The following NRXN1 variants were observed in gnomAD, a reference collection of about 807,000 sequenced individuals.
NRXN1 encodes the protein neurexin-1.
In NRXN1, 39 loss-of-function variants were observed where a neutral mutation model predicts 150.9. The ratio of observed to expected loss-of-function variants is 0.26; its 90% CI spans 0.20 to 0.34. The LOEUF (loss-of-function observed/expected upper bound fraction) is 0.34, where lower values mean the gene tolerates loss of function less well. Among genes scored for constraint, NRXN1 ranks in the 10% least tolerant of loss-of-function variants. The pLI is 1.00. For missense variants in NRXN1, 1,815 were observed against 1,949.9 expected, an observed-to-expected ratio of 0.93 and a Z score of 1.30; for synonymous variants, 924 against 757.0, an observed-to-expected ratio of 1.22 and a Z score of -3.62.
At chr2:50,108,040 C>G (rs1199988396) in intron 18 of NRXN1, among the ~76,000 whole-genome samples, 2 of 151,936 alleles carry the variant, frequency 1.3e-5, no homozygotes, top group Admixed American at 1.3e-4. Flanking sequence ...CTGTCTATCT[C>G]CAAAGTAGGT....
rs2093106884 is a variant in NRXN1 at position 50,531,438 on chromosome 2, T to C, written c.2144-8A>G. ...AGCTCAAAACCGTTGCCTCTAGAGA[T>C]GGAAAATGAATATGATAAGTTCTTG... On this transcript the variant is annotated splice_region_variant and splice_polypyrimidine_tract_variant and intron_variant, in intron 10 of 22. Coordinates refer to ENST00000401669, the MANE Select transcript of NRXN1 (RefSeq NM_001330078.2). The C allele has an allele frequency of 2.5e-6, 4 of 1,604,088 alleles. No homozygotes were observed. Among genetic ancestry groups the C allele is most frequent in the African/African-American group, 1.3e-5 (1 of 74,888 alleles).
At chr2:50,739,193 T>A (rs1365219766) in intron 5 of NRXN1, 1 of 429,454 alleles carries the variant, frequency 2.3e-6, no homozygotes, top group African/African-American at 2.0e-5. Context: ...GATTATGGAT[T>A]TTCTGACAGT....
chr2:50,432,359 A>G (rs1030563217), intron 17 of NRXN1: 2 of 152,158 alleles, frequency 1.3e-5, no homozygotes, highest in Non-Finnish European at 2.9e-5. Flanking sequence ...AATCCCTCCA[A>G]AGAAATACTG....
intron 17 of NRXN1, among the ~76,000 whole-genome samples, chr2:50,376,085 T>C (rs1420223484): frequency 6.6e-6 from 1 of 151,316 alleles, no homozygotes; most frequent in African/African-American, 2.4e-5. Flanking sequence ...ACTATATTGC[T>C]GAAGGGGAGA....
chr2:50,380,908 G>A (rs2080910657), intron 17 of NRXN1, among the ~76,000 whole-genome samples: 1 of 151,856 alleles, frequency 6.6e-6, no homozygotes, highest in African/African-American at 2.4e-5. Context: ...ATTACATTAG[G>A]CCCTCTAAAG....
intron 18 of NRXN1, among the ~76,000 whole-genome samples, chr2:50,171,138 G>A (rs2060005149): frequency 6.6e-6 from 1 of 151,932 alleles, no homozygotes; most frequent in Admixed American, 6.6e-5. Context: ...AGAAGGAAGA[G>A]GAGGGGCTGA....
intron 2 of NRXN1, among the ~76,000 whole-genome samples, chr2:50,990,894 A>C (rs1412370963): frequency 6.6e-6 from 1 of 152,032 alleles, no homozygotes. Context: ...ATAAGTAACA[A>C]CAGACAGAGC....
intron 5 of NRXN1, among the ~76,000 whole-genome samples, chr2:50,639,961 A>G (rs1220479712): frequency 6.6e-6 from 1 of 152,200 alleles, no homozygotes; most frequent in African/African-American, 2.4e-5. Context: ...TAGACTCTAT[A>G]TCATTTTGTA....
intron 2 of NRXN1, among the ~76,000 whole-genome samples, chr2:50,931,361 T>A (rs1687721255): frequency 6.6e-6 from 1 of 152,116 alleles, no homozygotes; most frequent in South Asian, 2.1e-4. Flanking sequence ...GCAAAAATAC[T>A]TTGTGATGAA....
At chr2:50,823,327 TG>T (rs1377371766) in intron 5 of NRXN1, among the ~76,000 whole-genome samples, 1 of 152,186 alleles carries the variant, frequency 6.6e-6, no homozygotes. Context: ...AGTGCAGACC[TG>T]GGGTTGCTGA....
chr2:50,419,007 T>C (rs1459249624), intron 17 of NRXN1, among the ~76,000 whole-genome samples: 1 of 152,070 alleles, frequency 6.6e-6, no homozygotes, highest in Non-Finnish European at 1.5e-5. Context: ...CCTTTGAATA[T>C]TTTCAAATCA....
chr2:50,893,946 G>C (rs1681498044), intron 5 of NRXN1, among the ~76,000 whole-genome samples: 2 of 152,030 alleles, frequency 1.3e-5, no homozygotes, highest in Admixed American at 6.6e-5. Flanking sequence ...CATTTTTCAT[G>C]GCTGCATAGT....
At chr2:50,782,744 A>G (rs2105527634) in intron 5 of NRXN1, among the ~76,000 whole-genome samples, 1 of 152,292 alleles carries the variant, frequency 6.6e-6, no homozygotes, top group Admixed American at 6.6e-5. Flanking sequence ...GAATGTAATC[A>G]TTATTTCTGG....
At chr2:50,578,281 G>C (rs1671738228) in intron 8 of NRXN1, among the ~76,000 whole-genome samples, 1 of 152,030 alleles carries the variant, frequency 6.6e-6, no homozygotes, top group South Asian at 2.1e-4. Flanking sequence ...ATAGTGTCTT[G>C]GACTCCGGAA....
intron 12 of NRXN1, among the ~76,000 whole-genome samples, chr2:50,509,426 G>C (rs73930561): frequency 0.047 from 7,152 of 152,104 alleles, 319 homozygotes; most frequent in African/African-American, 0.11. Context: ...TGAAATGACT[G>C]TTCCTAAAGA....
intron 17 of NRXN1, among the ~76,000 whole-genome samples, chr2:50,386,077 G>T (rs2081307535): frequency 6.6e-6 from 1 of 151,752 alleles, no homozygotes; most frequent in Non-Finnish European, 1.5e-5. Flanking sequence ...TCTACATAAA[G>T]TTTTTCTATA....
chr2:50,046,605 G>A (rs1691846268), intron 21 of NRXN1, among the ~76,000 whole-genome samples: 1 of 152,090 alleles, frequency 6.6e-6, no homozygotes, highest in African/African-American at 2.4e-5. Context: ...TGGTGAAGTG[G>A]CCATCATTTC....
intron 9 of NRXN1, among the ~76,000 whole-genome samples, chr2:50,549,258 C>T (rs1289925300): frequency 6.6e-6 from 1 of 152,078 alleles, no homozygotes; most frequent in African/African-American, 2.4e-5. Context: ...CCATACCAAA[C>T]CAATGCAGTG....
chr2:49,936,501 A>G (rs1025874403), intron 22 of NRXN1, among the ~76,000 whole-genome samples: 2 of 152,096 alleles, frequency 1.3e-5, no homozygotes, highest in East Asian at 1.9e-4. Context: ...TCTTTTTCCA[A>G]TCTCATAATT....
Sources: gnomAD v4.1 joint callset for allele counts (sites outside exome capture counted in the v4.1 genomes callset) on GRCh38, gnomAD v4.1.1 for gene constraint, MANE v1.5 for transcripts, NCBI Gene and HGNC (gene_info 2026-07-23, HGNC 2026-07-21) for gene names.